The following CADM2 variants were observed in gnomAD, a reference collection of about 807,000 sequenced individuals.
CADM2 encodes the protein cell adhesion molecule 2.
CADM2 carries 12 observed loss-of-function variants against 49.8 expected under a neutral mutation model. That is an observed-to-expected ratio of 0.24 (90% confidence interval 0.15 to 0.39). The LOEUF is 0.39. CADM2 is among the 10% of genes least tolerant of loss of function. The probability of loss-of-function intolerance (pLI) is 1.00; values close to 1 mark genes in which losing one functional copy is unlikely to be tolerated. For synonymous variants in CADM2, 214 were observed against 175.4 expected (o/e 1.22, Z -1.74); for missense variants, 378 against 492.3 (o/e 0.77, Z 2.20).
At chr3:85,752,862 A>G (rs2068927850) in intron 2 of CADM2, among the ~76,000 whole-genome samples, 1 of 152,202 alleles carries the variant, frequency 6.6e-6, no homozygotes, top group Admixed American at 6.5e-5. Context: ...TGACAATCCA[A>G]AAAACATTGG....
chr3:85,322,738 G>C (rs1210862280), intron 1 of CADM2, among the ~76,000 whole-genome samples: 1 of 151,950 alleles, frequency 6.6e-6, no homozygotes, highest in African/African-American at 2.4e-5. Flanking sequence ...GCTTGTAAAA[G>C]GGCTCTCTCT....
chr3:85,549,010 G>A lies in CADM2; in HGVS notation c.62-177512G>A, dbSNP rs545975335. The stretch of plus-strand genomic sequence containing the variant: ...TTTGTTATAGTGCTACATAATAGAC[G>A]CCTATACATTAATTGGATAAATACC... On this transcript the variant is annotated intron_variant, in intron 1 of 9. Transcript: ENST00000383699. Among the ~76,000 whole-genome samples the A allele has an allele frequency of 3.9e-5, 6 of 152,220 alleles. No homozygotes were observed. The East Asian group carries it at 5.8e-4, about 15-fold the overall frequency.
intron 1 of CADM2, among the ~76,000 whole-genome samples, chr3:85,087,039 G>T (rs945957629): frequency 2.0e-5 from 3 of 152,072 alleles, no homozygotes; most frequent in Non-Finnish European, 4.4e-5. Flanking sequence ...TCTGTGGCTT[G>T]TACACATAAA....
intron 7 of CADM2, among the ~76,000 whole-genome samples, chr3:85,952,281 AT>A (rs141627239): frequency 6.6e-6 from 1 of 150,474 alleles, no homozygotes; most frequent in African/African-American, 2.4e-5. Context: ...TATTCTCTTG[AT>A]TTTTTTTCTT....
At chr3:85,926,784 G>T (rs1041775150) in intron 6 of CADM2, among the ~76,000 whole-genome samples, 6 of 152,156 alleles carry the variant, frequency 3.9e-5, no homozygotes, top group African/African-American at 1.4e-4. Context: ...ATGTGAGAGA[G>T]ATATATGAGA....
intron 1 of CADM2, among the ~76,000 whole-genome samples, chr3:85,169,431 T>G (rs1240040391): frequency 2.0e-5 from 3 of 152,212 alleles, no homozygotes; most frequent in Non-Finnish European, 2.9e-5. Context: ...AAATGTATTA[T>G]CTGTAAAATA....
At chr3:85,855,600 A>AAC in intron 3 of CADM2, among the ~76,000 whole-genome samples, 1 of 88,998 alleles carries the variant, frequency 1.1e-5, no homozygotes, top group Admixed American at 1.2e-4. Context: ...ATATATATAA[A>AAC]ACATATATAT....
intron 5 of CADM2, among the ~76,000 whole-genome samples, chr3:85,910,002 C>G (rs533772919): frequency 6.6e-6 from 1 of 151,926 alleles, no homozygotes; most frequent in Admixed American, 6.6e-5. Flanking sequence ...TCACATAAGC[C>G]GATATTAAAA....
intron 2 of CADM2, among the ~76,000 whole-genome samples, chr3:85,792,655 G>T (rs1325210496): frequency 1.3e-5 from 2 of 152,158 alleles, no homozygotes; most frequent in African/African-American, 4.8e-5. Flanking sequence ...CACTGCTATG[G>T]CCACATTTAA....
intron 2 of CADM2, among the ~76,000 whole-genome samples, chr3:85,796,682 C>G (rs978619209): frequency 6.6e-6 from 1 of 152,110 alleles, no homozygotes; most frequent in Non-Finnish European, 1.5e-5. Context: ...AATCTTCTGT[C>G]TCTTATGGTG....
chr3:85,631,142 G>A (rs1241879235), intron 1 of CADM2, among the ~76,000 whole-genome samples: 3 of 151,662 alleles, frequency 2.0e-5, no homozygotes, highest in Non-Finnish European at 2.9e-5. Flanking sequence ...TCTTCTCTTC[G>A]GACTGGCTCA....
chr3:85,999,845 T>C (rs1360636097), intron 8 of CADM2, among the ~76,000 whole-genome samples: 1 of 152,154 alleles, frequency 6.6e-6, no homozygotes, highest in Non-Finnish European at 1.5e-5. Flanking sequence ...TCTATTATTT[T>C]AAGAATGTTG....
At chr3:85,170,120 A>C (rs1484880314) in intron 1 of CADM2, among the ~76,000 whole-genome samples, 2 of 152,054 alleles carry the variant, frequency 1.3e-5, no homozygotes, top group Non-Finnish European at 2.9e-5. Context: ...TAAAATTAAC[A>C]CTACAACCTT....
At chr3:85,470,548 A>G (rs1242881111) in intron 1 of CADM2, among the ~76,000 whole-genome samples, 1 of 152,212 alleles carries the variant, frequency 6.6e-6, no homozygotes, top group African/African-American at 2.4e-5. Flanking sequence ...ATGAATGGGT[A>G]TCCTCCCAAT....
At chr3:85,599,765 G>T (rs2063342347) in intron 1 of CADM2, among the ~76,000 whole-genome samples, 1 of 151,774 alleles carries the variant, frequency 6.6e-6, no homozygotes, top group African/African-American at 2.4e-5. Flanking sequence ...AAATGTTCTA[G>T]AGAACAGCAA....
chr3:85,704,865 TA>T (rs199975857), intron 1 of CADM2, among the ~76,000 whole-genome samples: 25 of 146,828 alleles, frequency 1.7e-4, no homozygotes, highest in South Asian at 1.1e-3. Context: ...TTATTATTAT[TA>T]TTTTTTTTTT....
intron 3 of CADM2, among the ~76,000 whole-genome samples, chr3:85,878,524 A>G (rs957847512): frequency 3.3e-5 from 5 of 152,102 alleles, no homozygotes; most frequent in Non-Finnish European, 5.9e-5. Context: ...CCAAACCCCA[A>G]ATAATTTTAA....
chr3:85,469,639 G>A (rs2038679188), intron 1 of CADM2, among the ~76,000 whole-genome samples: 1 of 152,200 alleles, frequency 6.6e-6, no homozygotes, highest in South Asian at 2.1e-4. Context: ...TATCAGATGG[G>A]ATGTGATTCA....
At chr3:85,456,237 C>G (rs565617828) in intron 1 of CADM2, among the ~76,000 whole-genome samples, 37 of 152,252 alleles carry the variant, frequency 2.4e-4, no homozygotes, top group African/African-American at 8.2e-4. Flanking sequence ...CAGTCTGAAG[C>G]CAAGTTGAGA....
Sources: allele counts gnomAD v4.1 joint callset (sites outside exome capture counted in the v4.1 genomes callset), GRCh38; gene constraint gnomAD v4.1.1; transcripts MANE v1.5; gene names NCBI Gene and HGNC (gene_info 2026-07-23, HGNC 2026-07-21).